The following CCDC3 variants were observed in gnomAD, a reference collection of about 807,000 sequenced individuals.
The protein encoded by CCDC3 is coiled-coil domain containing 3, also known as coiled-coil domain-containing protein 3.
A neutral mutation model predicts 21.4 loss-of-function variants in CCDC3; 24 were observed. The observed-to-expected ratio is 1.12, with a 90% CI of 0.81 to 1.58. The LOEUF is 1.58. Among genes scored for constraint, CCDC3 ranks in the 40% most tolerant of loss-of-function variants. CCDC3 has a pLI of 0.00. For missense variants in CCDC3, 425 were observed against 360.9 expected (o/e 1.18, Z -1.44); for synonymous variants, 186 against 166.0 (o/e 1.12, Z -0.93).
chr10:13,088,604 G>A (rs1460424355), intron 3 of CCDC3, among the ~76,000 whole-genome samples: 1 of 152,194 alleles, frequency 6.6e-6, no homozygotes, highest in Non-Finnish European at 1.5e-5. Context: ...CCGAGGGAAT[G>A]GAATGAGACA....
chr10:12,975,807 A>C (rs547021027), intron 2 of CCDC3, among the ~76,000 whole-genome samples: 1 of 152,332 alleles, frequency 6.6e-6, no homozygotes, highest in East Asian at 1.9e-4. Flanking sequence ...CATGTCAGCA[A>C]GGGTGACAGA....
At chr10:13,017,672 A>T (rs1359367056) in intron 5 of CCDC3, among the ~76,000 whole-genome samples, 1 of 152,092 alleles carries the variant, frequency 6.6e-6, no homozygotes, top group Non-Finnish European at 1.5e-5. Flanking sequence ...AATATTCATC[A>T]TTCAACATTT....
At chr10:13,018,334 GAATGTA>G (rs769472085) in intron 5 of CCDC3, among the ~76,000 whole-genome samples, 17 of 152,080 alleles carry the variant, frequency 1.1e-4, no homozygotes, top group Non-Finnish European at 2.2e-4. Context: ...CCTCTCAAGA[GAATGTA>G]AATTCACAAA....
intron 5 of CCDC3, among the ~76,000 whole-genome samples, chr10:13,031,774 T>G (rs11258143): frequency 0.37 from 56,814 of 151,824 alleles, 11,187 homozygotes; most frequent in East Asian, 0.71. Flanking sequence ...ACATACACCC[T>G]CCCAAGACTA....
intron 2 of CCDC3, among the ~76,000 whole-genome samples, chr10:12,968,457 C>T (rs539071064): frequency 6.6e-6 from 1 of 152,104 alleles, no homozygotes; most frequent in Non-Finnish European, 1.5e-5. Context: ...AAGTTCATCA[C>T]CAACAGACCT....
At chr10:12,961,434 G>C (rs986542378) in intron 2 of CCDC3, among the ~76,000 whole-genome samples, 3 of 152,108 alleles carry the variant, frequency 2.0e-5, no homozygotes, top group African/African-American at 7.2e-5. Flanking sequence ...AATAACATTC[G>C]GGGTGGAGGG....
chr10:13,016,455 T>A (rs1200548296), intron 5 of CCDC3, among the ~76,000 whole-genome samples: 1 of 151,924 alleles, frequency 6.6e-6, no homozygotes, highest in Non-Finnish European at 1.5e-5. Flanking sequence ...TCCTATGATA[T>A]CATATTTCCT....
chr10:13,099,589 G>A (rs1039834382), exon 1 of CCDC3: 4 of 152,044 alleles, frequency 2.6e-5, no homozygotes, highest in Admixed American at 6.6e-5. Context: ...GAATAGCCGA[G>A]CCTATTCGTC....
intron 2 of CCDC3, among the ~76,000 whole-genome samples, chr10:12,947,021 C>G (rs2131243987): frequency 6.6e-6 from 1 of 152,310 alleles, no homozygotes; most frequent in Non-Finnish European, 1.5e-5. Flanking sequence ...TTTTTTGTTT[C>G]TATCTCCACA....
At position 13,001,188 on chromosome 10, in the gene CCDC3, C is replaced by A; in HGVS notation, c.374+9G>T. ...GAGAGAGAGGTGGCGGCGGCGCCGC[C>A]GGGCTCACCTGAGGAAGAAGAAATA... On this transcript the variant is annotated intron_variant, in intron 1 of 2. Coordinates refer to ENST00000378825, the MANE Select transcript of CCDC3 (RefSeq NM_031455.4). The A allele has an allele frequency of 6.5e-7, 1 of 1,545,848 alleles. No individual in the cohort carries two copies. Among genetic ancestry groups the A allele is most frequent in the South Asian group, 1.2e-5 (1 of 83,772 alleles).
chr10:12,975,799 T>TG (rs1835409015), intron 2 of CCDC3, among the ~76,000 whole-genome samples: 2 of 152,202 alleles, frequency 1.3e-5, no homozygotes. Flanking sequence ...CCTTGAACCA[T>TG]GTCAGCAAGG....
chr10:12,986,767 C>T (rs531329463), intron 2 of CCDC3, among the ~76,000 whole-genome samples: 2 of 129,870 alleles, frequency 1.5e-5, no homozygotes, highest in South Asian at 2.8e-4. Flanking sequence ...AGCGAGACTC[C>T]GTCTCAAAAA....
At chr10:12,899,632 C>T (rs542636296) in intron 2 of CCDC3, among the ~76,000 whole-genome samples, 13 of 152,098 alleles carry the variant, frequency 8.5e-5, no homozygotes, top group Non-Finnish European at 1.6e-4. Context: ...AAGACAGCTC[C>T]GTGTGAATGG....
chr10:12,910,610 A>AT (rs1345583827), intron 2 of CCDC3, among the ~76,000 whole-genome samples: 3 of 103,034 alleles, frequency 2.9e-5, no homozygotes, highest in East Asian at 3.4e-4. Flanking sequence ...AAAAAAAAAA[A>AT]ATTTTTTTTT....
rs1320157901 is a variant in CCDC3 at position 13,019,570 on chromosome 10, A to G, written c.-1-21058T>C. Reference sequence around the variant, plus strand: ...CCTAAGTAAAGTACTTGGTAGAAGAATATCTGTTTTTTCCTTACATTTTCC... The same window carrying G: ...CCTAAGTAAAGTACTTGGTAGAAGAGTATCTGTTTTTTCCTTACATTTTCC... On this transcript the variant is annotated intron_variant, in intron 5 of 6. Coordinates refer to the CCDC3 transcript ENST00000378839. Among the ~76,000 whole-genome samples, 5 of 152,252 alleles carry G rather than the reference A, an allele frequency of 3.3e-5. No homozygotes were observed. In the South Asian group the frequency reaches 6.2e-4, roughly 19 times the overall value.
intron 2 of CCDC3, among the ~76,000 whole-genome samples, chr10:12,992,320 C>T (rs77696832): frequency 0.1 from 15,409 of 152,048 alleles, 943 homozygotes; most frequent in East Asian, 0.18. Flanking sequence ...AACCTCACTG[C>T]GGAGGTTGCA....
intron 3 of CCDC3, among the ~76,000 whole-genome samples, chr10:13,076,863 C>T (rs1836971163): frequency 6.6e-6 from 1 of 152,180 alleles, no homozygotes; most frequent in Non-Finnish European, 1.5e-5. Flanking sequence ...TGAGGTCTGG[C>T]TCCAGCCAAT....
Position 12,998,530 on chromosome 10 carries a change from G to C in CCDC3, c.375-18C>G, listed in dbSNP as rs773854821. On this transcript the variant is annotated intron_variant, in intron 1 of 2. Transcript: ENST00000378825. ...CATCCATCCTAATGGAGGAAAAAAA[G>C]GCAGACATGTAGGCTAGACAGTCAA... The C allele has an allele frequency of 4.3e-6, 7 of 1,612,058 alleles. No individual in the cohort carries two copies. Among genetic ancestry groups the C allele is most frequent in the Non-Finnish European group, 5.9e-6 (7 of 1,179,102 alleles).
intron 5 of CCDC3, among the ~76,000 whole-genome samples, chr10:13,019,714 G>A (rs1388054077): frequency 2.0e-5 from 3 of 152,110 alleles, no homozygotes; most frequent in Admixed American, 2.0e-4. Context: ...ATGAACACTG[G>A]GCTAGGCAGG....
Sources: gnomAD v4.1 joint callset for allele counts (sites outside exome capture counted in the v4.1 genomes callset) on GRCh38, gnomAD v4.1.1 for gene constraint, MANE v1.5 for transcripts, NCBI Gene and HGNC (gene_info 2026-07-23, HGNC 2026-07-21) for gene names.